Variants in FRAS1 observed in about 807,000 individuals in gnomAD.
The protein encoded by FRAS1 is extracellular matrix organizing protein FRAS1.
A neutral mutation model predicts 435.2 loss-of-function variants in FRAS1; 290 were observed. The observed-to-expected ratio is 0.67, with a 90% CI of 0.61 to 0.73. FRAS1 has a LOEUF of 0.73. Among genes scored for constraint, FRAS1 ranks in the 30% least tolerant of loss-of-function variants. The pLI is 0.00. For synonymous variants in FRAS1, 1,800 were observed against 1,851.0 expected (o/e 0.97, Z 0.71); for missense variants, 4,860 against 5,001.5 (o/e 0.97, Z 0.85).
At chr4:78,180,874 G>C in intron 2 of FRAS1, 3 of 1,594,018 alleles carry the variant, frequency 1.9e-6, no homozygotes, top group Non-Finnish European at 2.6e-6. Context: ...AGTTAAGCCA[G>C]AACTGGGAAT....
intron 2 of FRAS1, among the ~76,000 whole-genome samples, chr4:78,103,587 G>T (rs565992754): frequency 6.6e-6 from 1 of 152,240 alleles, no homozygotes; most frequent in South Asian, 2.1e-4. Context: ...AACTCCTAAG[G>T]TAACGGTTTT....
In FRAS1 at chr4:78,237,531, G is replaced by C; in HGVS notation, c.130G>C (p.Asp44His). 6.2e-6 allele frequency: 10 copies of C among 1,613,100 alleles called. No individual in the cohort carries two copies. Among genetic ancestry groups the C allele is most frequent in the Non-Finnish European group, 8.5e-6 (10 of 1,179,346 alleles). Reference sequence around the variant, plus strand: ...ACAGGATGCCACAATTTGGAAGCCCGATTCATGCCAGAGCTGCCGTTGCCA... The same window carrying C: ...ACAGGATGCCACAATTTGGAAGCCCCATTCATGCCAGAGCTGCCGTTGCCA... ...LLADATIWKPDSCQSCRCHGD... is the reference protein window; with the variant it reads ...LLADATIWKPHSCQSCRCHGD... The change falls in exon 3 of 74, where the codon GAT becomes CAT. Residue 44 changes from aspartate to histidine, a missense_variant. Asp to His is a moderately conservative substitution (Grantham distance 81, BLOSUM62 -1). Coordinates refer to ENST00000512123, the MANE Select transcript of FRAS1 (RefSeq NM_025074.7).
At chr4:78,344,175 C>A (rs1730510396) in intron 20 of FRAS1, among the ~76,000 whole-genome samples, 1 of 151,896 alleles carries the variant, frequency 6.6e-6, no homozygotes, top group Non-Finnish European at 1.5e-5. Flanking sequence ...CTGATTATTT[C>A]TACCATTTAC....
intron 70 of FRAS1, among the ~76,000 whole-genome samples, chr4:78,527,766 G>A (rs1721587171): frequency 6.6e-6 from 1 of 152,044 alleles, no homozygotes. Flanking sequence ...AGAGCAAAGG[G>A]GCAATAACTG....
At chr4:78,467,138 A>G (rs1719556775) in intron 50 of FRAS1, among the ~76,000 whole-genome samples, 1 of 152,150 alleles carries the variant, frequency 6.6e-6, no homozygotes, top group Admixed American at 6.5e-5. Context: ...TATTTTTGAC[A>G]TTAGTCATCT....
At chr4:78,060,294 A>G (rs114003837) in intron 1 of FRAS1, among the ~76,000 whole-genome samples, 6,382 of 152,284 alleles carry the variant, frequency 0.042, 191 homozygotes, top group Admixed American at 0.073. Flanking sequence ...GGAAACCTCA[A>G]GGATCTTAGA....
Position 78,521,564 on chromosome 4 carries a change from A to G in FRAS1, c.10582A>G (p.Ile3528Val). The G allele has an allele frequency of 2.5e-6, 4 of 1,611,898 alleles. No homozygotes were observed. Among genetic ancestry groups the G allele is most frequent in the Non-Finnish European group, 3.4e-6 (4 of 1,178,876 alleles). ...DSVLSARLQI[I>V]RIYIREDGRL... ...CGTGCTCTCTGCAAGGCTTCAGATA[A>G]TAAGAATCTACATTCGAGAGGATGG... The change falls in exon 68 of 74, where the codon ATA becomes GTA. Residue 3528 changes from isoleucine (I) to valine (V), a missense_variant. Coordinates refer to ENST00000512123, the MANE Select transcript of FRAS1 (RefSeq NM_025074.7).
chr4:78,427,538 T>C (rs1467875380), intron 35 of FRAS1, among the ~76,000 whole-genome samples: 2 of 152,230 alleles, frequency 1.3e-5, no homozygotes, highest in Non-Finnish European at 2.9e-5. Flanking sequence ...GCATCCTGAA[T>C]CCACTAAAAC....
chr4:78,117,847 G>A (rs1006560842), intron 2 of FRAS1, among the ~76,000 whole-genome samples: 32 of 152,186 alleles, frequency 2.1e-4, no homozygotes, highest in Non-Finnish European at 3.4e-4. Flanking sequence ...GTCATTCTCC[G>A]TCCAGCTTTG....
intron 6 of FRAS1, among the ~76,000 whole-genome samples, chr4:78,264,674 C>T (rs1274576849): frequency 6.6e-6 from 1 of 152,120 alleles, no homozygotes; most frequent in Non-Finnish European, 1.5e-5. Context: ...CTGGTCTTTA[C>T]TATTCTCTTT....
intron 9 of FRAS1, among the ~76,000 whole-genome samples, chr4:78,277,692 A>G (rs575852930): frequency 9.2e-5 from 14 of 152,168 alleles, no homozygotes; most frequent in Non-Finnish European, 1.5e-4. Flanking sequence ...AGCATTTATT[A>G]TTTTGTAAAA....
intron 46 of FRAS1, 36 bp from the exon 47 acceptor site, chr4:78,452,139 G>T: frequency 6.3e-7 from 1 of 1,596,098 alleles, no homozygotes; most frequent in Non-Finnish European, 8.6e-7. Flanking sequence ...AGGCTGAGAA[G>T]ATCCCATTTC....
chr4:78,282,733 T>C, intron 11 of FRAS1, 87 bp from the exon 12 acceptor site: 1 of 1,504,286 alleles, frequency 6.6e-7, no homozygotes, highest in East Asian at 2.3e-5. Context: ...ACTTTGTTCT[T>C]ATGGAAATTG....
intron 30 of FRAS1, among the ~76,000 whole-genome samples, chr4:78,402,168 G>T (rs1422228071): frequency 6.6e-6 from 1 of 152,060 alleles, no homozygotes; most frequent in East Asian, 1.9e-4. Context: ...GGAACAGGTA[G>T]ATTTTTTAAA....
In FRAS1 at chr4:78,541,152, T is replaced by C; in HGVS notation, c.*28T>C. 1 of 1,246,180 alleles carries C rather than the reference T, an allele frequency of 8.0e-7. No homozygotes were observed. Among genetic ancestry groups the C allele is most frequent in the Non-Finnish European group, 1.0e-6 (1 of 961,030 alleles). 77.2% of individuals were successfully genotyped at this position (1,246,180 alleles called of 1,614,324 possible). A position where few individuals can be genotyped will look rare whatever the true frequency, so the allele number is the denominator to read the frequency against. ...GAGGAGACCTATGTGTATTTTTTTC[T>C]AAAATCATTTTTATAAAATGGGGGG... On this transcript the variant is annotated 3_prime_UTR_variant, in exon 74 of 74. Transcript: ENST00000512123.
rs546377865 is a variant in FRAS1 at position 78,476,426 on chromosome 4, A to G, written c.7851+820A>G. On this transcript the variant is annotated intron_variant, in intron 54 of 73. Coordinates refer to ENST00000512123, the MANE Select transcript of FRAS1 (RefSeq NM_025074.7). The stretch of plus-strand genomic sequence containing the variant: ...AAATAGTCAACAAATACAGGGCCCC[A>G]TGTATTTGTCATCTTTTATGGAGGG... 6.2e-4 allele frequency among the ~76,000 whole-genome samples: 94 copies of G among 152,238 alleles called. 1 individual carries two copies. The Middle Eastern group carries it at 0.024, about 39-fold the overall frequency.
In FRAS1 at chr4:78,363,676, G is replaced by A; in HGVS notation, c.2575+11G>A. 1 of 1,572,928 alleles carries A rather than the reference G, an allele frequency of 6.4e-7. No individual in the cohort carries two copies. The highest frequency in any genetic ancestry group is 1.2e-5 in the South Asian group (1 of 85,462). ...GAGGAGCTTGTAAAAGTGAGTAAGT[G>A]CTGGACTCAGGAGCTGGAGCTGCCA... is the stretch of plus-strand genomic sequence containing the variant. On this transcript the variant is annotated intron_variant, in intron 21 of 73. Transcript: ENST00000512123.
chr4:78,377,853 C>T (rs1731839804), intron 26 of FRAS1, among the ~76,000 whole-genome samples: 1 of 151,314 alleles, frequency 6.6e-6, no homozygotes, highest in South Asian at 2.1e-4. Context: ...AAGTCAGAAG[C>T]TCTGGCAGTG....
intron 29 of FRAS1, among the ~76,000 whole-genome samples, chr4:78,399,003 A>G (rs1732777526): frequency 6.6e-6 from 1 of 152,120 alleles, no homozygotes; most frequent in Non-Finnish European, 1.5e-5. Flanking sequence ...ACCTGGGCCC[A>G]AGTATATCAT....
Sources: allele counts gnomAD v4.1 joint callset (sites outside exome capture counted in the v4.1 genomes callset), GRCh38; gene constraint gnomAD v4.1.1; transcripts MANE v1.5; gene names NCBI Gene and HGNC (gene_info 2026-07-23, HGNC 2026-07-21).